TAFA1: variants seen among roughly 807,000 people sequenced by gnomAD.
TAFA1 encodes chemokine-like protein TAFA-1.
In TAFA1, 4 loss-of-function variants were observed where a neutral mutation model predicts 18.5. The ratio of observed to expected loss-of-function variants is 0.22; its 90% CI spans 0.11 to 0.49. The LOEUF (loss-of-function observed/expected upper bound fraction) is 0.49, where lower values mean the gene tolerates loss of function less well. Among genes scored for constraint, TAFA1 ranks in the 20% least tolerant of loss-of-function variants. The pLI, the probability that TAFA1 is intolerant of heterozygous loss-of-function variation, is 0.98. For synonymous variants in TAFA1, 56 were observed against 55.2 expected, an observed-to-expected ratio of 1.01 and a Z score of -0.06; for missense variants, 147 against 169.0, an observed-to-expected ratio of 0.87 and a Z score of 0.72.
intron 2 of TAFA1, among the ~76,000 whole-genome samples, chr3:68,075,698 CTTTTTTT>C (rs61592269): frequency 2.2e-5 from 3 of 139,442 alleles, no homozygotes; most frequent in East Asian, 2.1e-4. Context: ...TCTTCTTTCC[CTTTTTTT>C]TTTTTTTTTT....
chr3:68,021,067 T>A (rs6785082), intron 2 of TAFA1, among the ~76,000 whole-genome samples: 30,647 of 151,380 alleles, frequency 0.2, 3,734 homozygotes, highest in Non-Finnish European at 0.28. Context: ...GTGCCTGTAA[T>A]CCCAGCTACT....
intron 2 of TAFA1, among the ~76,000 whole-genome samples, chr3:68,378,554 A>G (rs1269084942): frequency 6.6e-6 from 1 of 152,148 alleles, no homozygotes; most frequent in Admixed American, 6.5e-5. Flanking sequence ...GGATCTTCGA[A>G]TTAATGCAGG....
intron 3 of TAFA1, among the ~76,000 whole-genome samples, chr3:68,447,872 G>A (rs1050606919): frequency 1.3e-5 from 2 of 152,208 alleles, no homozygotes; most frequent in African/African-American, 4.8e-5. Context: ...GAATCAACAT[G>A]TACAGCACGA....
Position 68,126,523 on chromosome 3 carries a change from C to A in TAFA1, c.118+119779C>A, listed in dbSNP as rs76128453. ...GAAAAAGTTGGCAAATTTGTTGATT[C>A]TCTATCTTTTCAAAAATGTATATAT... On this transcript the variant is annotated intron_variant, in intron 2 of 4. Transcript: ENST00000478136. Among the ~76,000 whole-genome samples the A allele has an allele frequency of 5.9e-5, 9 of 152,268 alleles. No individual in the cohort carries two copies. In the South Asian group the frequency reaches 6.2e-4, roughly 11 times the overall value.
intron 2 of TAFA1, among the ~76,000 whole-genome samples, chr3:68,120,376 G>C (rs911070266): frequency 6.6e-6 from 1 of 151,800 alleles, no homozygotes; most frequent in Admixed American, 6.6e-5. Flanking sequence ...CAGCCTCCAG[G>C]TAGTTGGGAT....
chr3:68,248,515 C>T (rs1353841191), intron 2 of TAFA1, among the ~76,000 whole-genome samples: 1 of 151,938 alleles, frequency 6.6e-6, no homozygotes, highest in Admixed American at 6.6e-5. Flanking sequence ...TTAAAGTAAA[C>T]ATGTTATTAC....
At position 68,397,035 on chromosome 3, in the gene TAFA1, A is replaced by G. The variant is rs1173469798; in HGVS notation, c.119-20245A>G. Among the ~76,000 whole-genome samples the G allele has an allele frequency of 3.9e-5, 6 of 152,232 alleles. No homozygotes were observed. The East Asian group carries it at 1.2e-3, about 30-fold the overall frequency. On this transcript the variant is annotated intron_variant, in intron 2 of 4. Transcript: ENST00000478136. ...GTTTGCCATTTTGTTTGGAGGAAAA[A>G]TCTTAGTATTAACCATGAAAGACTT...
At chr3:68,389,370 T>G (rs1211870576) in intron 2 of TAFA1, among the ~76,000 whole-genome samples, 1 of 151,638 alleles carries the variant, frequency 6.6e-6, no homozygotes, top group Non-Finnish European at 1.5e-5. Context: ...ATATTATCTT[T>G]AATAACTGTC....
chr3:68,029,694 C>A (rs991136980), intron 2 of TAFA1, among the ~76,000 whole-genome samples: 1 of 152,152 alleles, frequency 6.6e-6, no homozygotes. Context: ...CATAAAGTAG[C>A]GGATGTACTC....
At chr3:68,015,645 A>G (rs1442417531) in intron 2 of TAFA1, among the ~76,000 whole-genome samples, 3 of 152,214 alleles carry the variant, frequency 2.0e-5, no homozygotes, top group Non-Finnish European at 4.4e-5. Flanking sequence ...CTAATAAAAC[A>G]GAAGCATCAA....
At chr3:67,992,658 G>C in the TAFA1 span, among the ~76,000 whole-genome samples, 1 of 152,178 alleles carries the variant, frequency 6.6e-6, no homozygotes, top group South Asian at 2.1e-4. Context: ...AAATGGGCAT[G>C]TTTGTATTCC....
chr3:68,253,840 G>T (rs1346651493), intron 2 of TAFA1, among the ~76,000 whole-genome samples: 1 of 152,142 alleles, frequency 6.6e-6, no homozygotes, highest in East Asian at 1.9e-4. Context: ...AGTTGAAACA[G>T]GTTTTGTGCC....
intron 3 of TAFA1, among the ~76,000 whole-genome samples, chr3:68,435,850 C>A (rs1188700811): frequency 6.6e-6 from 1 of 152,122 alleles, no homozygotes; most frequent in Non-Finnish European, 1.5e-5. Flanking sequence ...TAAAAACAGG[C>A]CCTTCATATA....
chr3:68,052,585 A>G (rs1486622289), intron 2 of TAFA1, among the ~76,000 whole-genome samples: 2 of 152,168 alleles, frequency 1.3e-5, no homozygotes, highest in Non-Finnish European at 2.9e-5. Flanking sequence ...AAAGTTTTAT[A>G]CTGAAGCTAG....
intron 2 of TAFA1, among the ~76,000 whole-genome samples, chr3:68,262,067 T>C (rs1313401678): frequency 6.6e-6 from 1 of 151,596 alleles, no homozygotes; most frequent in Non-Finnish European, 1.5e-5. Context: ...TTGTGATCCA[T>C]GTTGAGCAAG....
At chr3:68,188,496 T>C in intron 2 of TAFA1, among the ~76,000 whole-genome samples, 1 of 122,622 alleles carries the variant, frequency 8.2e-6, no homozygotes, top group African/African-American at 3.0e-5. Flanking sequence ...ATAATGTATG[T>C]GTATATATAT....
chr3:68,410,922 G>A (rs2070704102), intron 2 of TAFA1, among the ~76,000 whole-genome samples: 1 of 152,110 alleles, frequency 6.6e-6, no homozygotes, highest in Admixed American at 6.6e-5. Context: ...AGTTAAGTTT[G>A]AAAGGATAGT....
intron 2 of TAFA1, among the ~76,000 whole-genome samples, chr3:68,235,528 G>T (rs1057362488): frequency 6.6e-6 from 1 of 152,158 alleles, no homozygotes; most frequent in Non-Finnish European, 1.5e-5. Flanking sequence ...ATAAATAACA[G>T]CTTCTGGGAA....
At chr3:68,157,490 A>G (rs1321260790) in intron 2 of TAFA1, among the ~76,000 whole-genome samples, 1 of 152,244 alleles carries the variant, frequency 6.6e-6, no homozygotes, top group African/African-American at 2.4e-5. Flanking sequence ...AACAGGAAAA[A>G]AAATACAGTT....
Sources: allele counts gnomAD v4.1 joint callset (sites outside exome capture counted in the v4.1 genomes callset), GRCh38; gene constraint gnomAD v4.1.1; transcripts MANE v1.5; gene names NCBI Gene and HGNC (gene_info 2026-07-23, HGNC 2026-07-21).